Variants in USHBP1 observed in about 807,000 individuals in gnomAD.
USHBP1 encodes the protein harmonin-binding protein USHBP1.
A neutral mutation model predicts 76.2 loss-of-function variants in USHBP1; 67 were observed. The observed-to-expected ratio is 0.88, with a 90% CI of 0.72 to 1.08. The LOEUF (loss-of-function observed/expected upper bound fraction) is 1.08. Among genes scored for constraint, USHBP1 ranks in the 50% least tolerant of loss-of-function variants. USHBP1 has a pLI of 0.00. For synonymous variants in USHBP1, 322 were observed against 362.2 expected, an observed-to-expected ratio of 0.89 and a Z score of 1.26; for missense variants, 931 against 915.0, an observed-to-expected ratio of 1.02 and a Z score of -0.23.
chr19:17,256,550 G>A lies in USHBP1; in HGVS notation c.1391C>T (p.Ala464Val), dbSNP rs2073621635. The A allele has an allele frequency of 6.2e-7, 1 of 1,614,044 alleles. No individual in the cohort carries two copies. Reference sequence around the variant, plus strand: ...TGGGCCAGCCTGGGTCCCCAGAATGGCCTGCACCATGGCTTCTGCACGGGG... The same window carrying A: ...TGGGCCAGCCTGGGTCCCCAGAATGACCTGCACCATGGCTTCTGCACGGGG... ...TVPRAEAMVQ[A>V]ILGTQAGPAL... The change falls in exon 9 of 13, where the codon GCC (alanine) becomes GTC (valine). Residue 464 changes from alanine to valine, a missense_variant. By Grantham distance (64) the Ala-to-Val change is moderately conservative. Transcript: ENST00000252597.
chr19:17,251,732 C>T (rs757188807), intron 11 of USHBP1, 28 bp from the exon 12 acceptor site: 3 of 1,609,804 alleles, frequency 1.9e-6, no homozygotes, highest in Non-Finnish European at 2.5e-6. Context: ...AGAGGGGGCT[C>T]ACAGCCCCAG....
Position 17,256,537 on chromosome 19 carries a change from G to C in USHBP1, c.1404C>G (p.Thr468=). ...AEAMVQAILG[T]QAGPALPRLE... is the part of the protein sequence containing the mutation. ...GTCGGGGAAGAGCTGGGCCAGCCTGGGTCCCCAGAATGGCCTGCACCATGG... is the reference window on the plus strand; with the variant it reads ...GTCGGGGAAGAGCTGGGCCAGCCTGCGTCCCCAGAATGGCCTGCACCATGG... Residue 468 remains threonine, a synonymous_variant, in exon 9 of 13, where the codon ACC becomes ACG. Coordinates refer to ENST00000252597, the MANE Select transcript of USHBP1 (RefSeq NM_031941.4). 6.2e-7 allele frequency: 1 copy of C among 1,614,092 alleles called. No homozygotes were observed. Among genetic ancestry groups the C allele is most frequent in the South Asian group, 1.1e-5 (1 of 91,078 alleles).
At chr19:17,258,516 C>T in intron 7 of USHBP1, 131 bp from the exon 8 acceptor site, 1 of 984,522 alleles carries the variant, frequency 1.0e-6, no homozygotes, top group Non-Finnish European at 1.5e-6. Flanking sequence ...CGAGACCAGC[C>T]TGACCAACAT....
At chr19:17,258,662 T>C (rs1300001418) in intron 7 of USHBP1, 1 of 343,986 alleles carries the variant, frequency 2.9e-6, no homozygotes, top group Non-Finnish European at 5.3e-6. Context: ...TGAGCCAAGA[T>C]GGCACCACTG....
At chr19:17,252,820 G>A (rs2145579101) in intron 10 of USHBP1, among the ~76,000 whole-genome samples, 1 of 151,688 alleles carries the variant, frequency 6.6e-6, no homozygotes, top group Admixed American at 6.6e-5. Context: ...CTGGGAGGCA[G>A]AGGTTGGAGT....
At chr19:17,261,485 GCC>G (rs1244977462) in intron 4 of USHBP1, among the ~76,000 whole-genome samples, 4 of 150,602 alleles carry the variant, frequency 2.7e-5, no homozygotes, top group Non-Finnish European at 5.9e-5. Flanking sequence ...ACAGGCACCC[GCC>G]ACCACGCCGG....
chr19:17,258,580 G>A (rs564551078), intron 7 of USHBP1, 195 bp from the exon 8 acceptor site: 33 of 544,720 alleles, frequency 6.1e-5, no homozygotes, highest in East Asian at 7.3e-5. Flanking sequence ...GTGGTGGTAC[G>A]CACCTGTAGT....
intron 11 of USHBP1, 56 bp downstream of exon 11, chr19:17,251,855 G>A (rs985349102): frequency 3.8e-5 from 57 of 1,513,638 alleles, no homozygotes; most frequent in Non-Finnish European, 4.7e-5. Context: ...ACCCCCGGGG[G>A]CTCTCACATA....
chr19:17,258,171 A>T (rs532160223), intron 8 of USHBP1, 41 bp downstream of exon 8: 1 of 1,609,444 alleles, frequency 6.2e-7, no homozygotes, highest in Non-Finnish European at 8.5e-7. Context: ...TCAAGACCCC[A>T]CTCCTCAACC....
In USHBP1 at chr19:17,258,201, C is replaced by T; in HGVS notation, c.1220+11G>A. The T allele has an allele frequency of 6.2e-7, 1 of 1,613,158 alleles. No homozygotes were observed. On this transcript the variant is annotated intron_variant, in intron 8 of 12. Coordinates refer to ENST00000252597, the MANE Select transcript of USHBP1 (RefSeq NM_031941.4). Reference sequence around the variant, plus strand: ...TCAACCAGGCCAGTTCCCAGGGTTCCAGGGGGGTACCTTGGCTGTGGATTC... The same window carrying T: ...TCAACCAGGCCAGTTCCCAGGGTTCTAGGGGGGTACCTTGGCTGTGGATTC...
chr19:17,258,217 C>T lies in USHBP1; in HGVS notation c.1215G>A (p.Gln405=). 6.2e-7 allele frequency: 1 copy of T among 1,613,742 alleles called. No homozygotes were observed. The highest frequency in any genetic ancestry group is 8.5e-7 in the Non-Finnish European group (1 of 1,180,026). The change falls in exon 8 of 13, where the codon CAG becomes CAA. Residue 405 remains glutamine, a synonymous_variant. Transcript: ENST00000252597. ...AMDAGAQQNP[Q]PSPEGSSVDK... is the part of the protein sequence containing the mutation. ...CCAGGGTTCCAGGGGGGTACCTTGG[C>T]TGTGGATTCTGCTGTGCTCCTGCAT... is the stretch of plus-strand genomic sequence containing the variant.
chr19:17,255,301 C>CAA, intron 10 of USHBP1, 84 bp downstream of exon 10: 31 of 1,226,056 alleles, frequency 2.5e-5, no homozygotes, highest in South Asian at 3.4e-5. Context: ...TCAAAAAAAA[C>CAA]AAAAAAAAAA....
chr19:17,259,820 C>T, intron 5 of USHBP1, 77 bp downstream of exon 5: 2 of 1,582,422 alleles, frequency 1.3e-6, no homozygotes, highest in Non-Finnish European at 8.6e-7. Context: ...CTGTTGGATC[C>T]CATGACAAAG....
intron 12 of USHBP1, among the ~76,000 whole-genome samples, chr19:17,251,008 G>C (rs2073543812): frequency 6.6e-6 from 1 of 152,008 alleles, no homozygotes; most frequent in Admixed American, 6.6e-5. Context: ...TCACAGGCAT[G>C]CGCCACCACG....
rs774951268 is a variant in USHBP1 at position 17,259,662 on chromosome 19, G to A, written c.839C>T (p.Ser280Phe). 1.1e-5 allele frequency: 17 copies of A among 1,613,932 alleles called. No individual in the cohort carries two copies. Among genetic ancestry groups the A allele is most frequent in the Non-Finnish European group, 1.4e-5 (16 of 1,180,018 alleles). The change falls in exon 6 of 13, where the codon TCT becomes TTT. Residue 280 changes from serine to phenylalanine, a missense_variant. Coordinates refer to ENST00000252597, the MANE Select transcript of USHBP1 (RefSeq NM_031941.4). The part of the protein sequence containing the change: ...RSHSSTQILG[S>F]LPNQPLSPEM... Reference sequence around the variant, plus strand: ...AGGACTGAGGGGCTGGTTGGGAAGAGACCCAAGGATCTGGGTGCTGGAATG... The same window carrying A: ...AGGACTGAGGGGCTGGTTGGGAAGAAACCCAAGGATCTGGGTGCTGGAATG...
chr19:17,254,654 C>CT (rs2073596121), intron 10 of USHBP1, among the ~76,000 whole-genome samples: 1 of 147,792 alleles, frequency 6.8e-6, no homozygotes, highest in Non-Finnish European at 1.5e-5. Flanking sequence ...AAAACTCTGT[C>CT]TCAAAAAAAA....
intron 10 of USHBP1, among the ~76,000 whole-genome samples, chr19:17,253,842 C>G (rs2073583966): frequency 6.9e-6 from 1 of 145,478 alleles, no homozygotes; most frequent in African/African-American, 2.5e-5. Context: ...TGCAGTGAGC[C>G]AAGATCGCAC....
chr19:17,264,060 A>G lies in USHBP1; in HGVS notation c.145T>C (p.Ser49Pro), dbSNP rs201919789. 3 of 1,613,394 alleles carry G rather than the reference A, an allele frequency of 1.9e-6. No individual in the cohort carries two copies. The highest frequency in any genetic ancestry group is 2.2e-5 in the East Asian group (1 of 44,864). The change falls in exon 3 of 13, where the codon TCC becomes CCC. Residue 49 changes from serine to proline, a missense_variant. Transcript: ENST00000252597. ...KPSFAPPPVS[S>P]GLEQLGPMEE... is the part of the protein sequence containing the mutation. ...ATGGGGCCCAGCTGCTCCAGCCCGG[A>G]GCTCACCGGAGGTGGGGCAAAGCTG...
chr19:17,263,003 A>T lies in USHBP1; in HGVS notation c.204-13T>A. ...CTTCTTGTCAGTCCTGTGGACACCA[A>T]CTCAGGCACTTGAGTCACTCCATGC... On this transcript the variant is annotated splice_polypyrimidine_tract_variant and intron_variant, in intron 3 of 12. Transcript: ENST00000252597. 3.3e-6 allele frequency: 5 copies of T among 1,506,118 alleles called. No individual in the cohort carries two copies. The highest frequency in any genetic ancestry group is 4.4e-6 in the Non-Finnish European group (5 of 1,127,178). The allele number at this position is 1,506,118 out of a possible 1,614,324, so 93.3% of individuals were successfully genotyped here. A position where few individuals can be genotyped will look rare whatever the true frequency, so the allele number is the denominator to read the frequency against.
Sources: allele counts gnomAD v4.1 joint callset (sites outside exome capture counted in the v4.1 genomes callset), GRCh38; gene constraint gnomAD v4.1.1; transcripts MANE v1.5; gene names NCBI Gene and HGNC (gene_info 2026-07-23, HGNC 2026-07-21).